PTK7: variants seen among roughly 807,000 people sequenced by gnomAD.
The protein encoded by PTK7 is protein tyrosine kinase 7 (inactive).
PTK7 carries 39 observed loss-of-function variants against 116.6 expected under a neutral mutation model. The observed-to-expected ratio is 0.33, with a 90% CI of 0.26 to 0.44. The LOEUF is 0.44. Ranked by LOEUF, PTK7 falls within the 20% of genes least tolerant of loss-of-function variation. The pLI, the probability that PTK7 is intolerant of heterozygous loss-of-function variation, is 1.00. For missense variants in PTK7, 1,169 were observed against 1,425.6 expected (o/e 0.82, Z 2.90); for synonymous variants, 546 against 563.6 (o/e 0.97, Z 0.44).
intron 1 of PTK7, 33 bp from the exon 2 acceptor site, chr6:43,128,944 C>G (rs1473975519): frequency 6.4e-7 from 1 of 1,571,378 alleles, no homozygotes; most frequent in Admixed American, 1.8e-5. Flanking sequence ...GCAGCTCCCC[C>G]TGACCCTGCC....
Position 43,142,056 on chromosome 6 carries a change from C to T in PTK7, c.1894C>T (p.Leu632=). 1.9e-6 allele frequency: 3 copies of T among 1,613,900 alleles called. No homozygotes were observed. The highest frequency in any genetic ancestry group is 2.5e-6 in the Non-Finnish European group (3 of 1,179,924). ...LIQWKGKDRI[L]DPTKLGPRMH... is the part of the protein sequence containing the mutation. ...TCAGTGGAAAGGCAAGGACCGCATC[C>T]TGGACCCCACCAAGCTGGGACCCAG... Residue 632 remains leucine, a synonymous_variant, in exon 12 of 20, where the codon CTG becomes TTG. Transcript: ENST00000230419.
In PTK7 at chr6:43,112,291, C is replaced by T. The variant is rs576996275; in HGVS notation, c.80-16686C>T. Among the ~76,000 whole-genome samples the T allele has an allele frequency of 2.0e-5, 3 of 147,742 alleles. No individual in the cohort carries two copies. In the Admixed American group the frequency reaches 2.0e-4, roughly 10 times the overall value. The stretch of plus-strand genomic sequence containing the variant: ...ATTTATTTATTTATTTATTTAGAGA[C>T]GTAGTCTCCCTCTGTCACCCAGGCT... On this transcript the variant is annotated intron_variant, in intron 1 of 19. Transcript: ENST00000230419.
At chr6:43,111,224 T>G (rs1352890892) in intron 1 of PTK7, among the ~76,000 whole-genome samples, 1 of 152,212 alleles carries the variant, frequency 6.6e-6, no homozygotes, top group Non-Finnish European at 1.5e-5. Flanking sequence ...CTGCCAGCAA[T>G]CAGTAGCTAC....
chr6:43,157,354 ATATATATATATTTTTTTTTTTCTTTTTTT>A (rs1296936332), intron 17 of PTK7, among the ~76,000 whole-genome samples: 4 of 3,726 alleles, frequency 1.1e-3, no homozygotes, highest in Admixed American at 0.01. Flanking sequence ...ATATATATAT[ATATATATATATTTTTTTTTTTCTTTTTTT>A]TTTTTTTTTT....
chr6:43,090,590 G>A (rs547811845), intron 1 of PTK7, among the ~76,000 whole-genome samples: 4 of 152,316 alleles, frequency 2.6e-5, no homozygotes, highest in Non-Finnish European at 4.4e-5. Context: ...CTCCAGTGGA[G>A]GTTGTTGTTA....
intron 1 of PTK7, among the ~76,000 whole-genome samples, chr6:43,084,212 C>T (rs1766532618): frequency 6.6e-6 from 1 of 152,212 alleles, no homozygotes; most frequent in South Asian, 2.1e-4. Flanking sequence ...CTCACTGCAG[C>T]CTTGTCCTGT....
chr6:43,092,800 G>A (rs1299769287), intron 1 of PTK7, among the ~76,000 whole-genome samples: 1 of 152,074 alleles, frequency 6.6e-6, no homozygotes, highest in Non-Finnish European at 1.5e-5. Flanking sequence ...ATAACTGATG[G>A]TTATCTGTGG....
At position 43,076,983 on chromosome 6, in the gene PTK7, C is replaced by T; in HGVS notation, c.79+416C>T. 6.7e-7 allele frequency: 1 copy of T among 1,494,102 alleles called. No individual in the cohort carries two copies. The highest frequency in any genetic ancestry group is 8.9e-7 in the Non-Finnish European group (1 of 1,119,478). 92.6% of individuals were successfully genotyped at this position (1,494,102 alleles called of 1,614,324 possible). A position where few individuals can be genotyped will look rare whatever the true frequency, so the allele number is the denominator to read the frequency against. On this transcript the variant is annotated intron_variant, in intron 1 of 19. Coordinates refer to ENST00000230419, the MANE Select transcript of PTK7 (RefSeq NM_002821.5). This position sits in a 1 kb window ranked among gnomAD's most constrained non-coding sequence, Gnocchi z 5.7. ...CCCCACCCCACCCGGCAGGGTCGGCCCAGGTAAGAGTTGCTGGTTTGGGGC... is the reference window on the plus strand; with the variant it reads ...CCCCACCCCACCCGGCAGGGTCGGCTCAGGTAAGAGTTGCTGGTTTGGGGC...
chr6:43,118,778 ATTT>A (rs532364078), intron 1 of PTK7, among the ~76,000 whole-genome samples: 7 of 119,480 alleles, frequency 5.9e-5, no homozygotes, highest in African/African-American at 9.5e-5. Flanking sequence ...TGTGTGTATA[ATTT>A]TTTTTTTTTT....
chr6:43,158,962 A>C lies in PTK7; in HGVS notation c.2867A>C (p.Tyr956Ser). Reference protein sequence around the residue: ...VSALGLSKDVYNSEYYHFRQA... With the variant: ...VSALGLSKDVSNSEYYHFRQA... ...GCCCTGGGCCTCAGCAAGGATGTGT[A>C]CAACAGGTAGAAGGGCATGCGTGGG... is the stretch of plus-strand genomic sequence containing the variant. Residue 956 changes from tyrosine (Y) to serine (S), a missense_variant, in exon 18 of 20, where the codon TAC (tyrosine) becomes TCC (serine). By Grantham distance (144) the Tyr-to-Ser change is moderately radical (BLOSUM62 -2). Transcript: ENST00000230419. 1 of 1,614,094 alleles carries C rather than the reference A, an allele frequency of 6.2e-7. No individual in the cohort carries two copies. The highest frequency in any genetic ancestry group is 8.5e-7 in the Non-Finnish European group (1 of 1,179,988).
At chr6:43,083,138 G>C (rs1266952246) in intron 1 of PTK7, among the ~76,000 whole-genome samples, 1 of 152,248 alleles carries the variant, frequency 6.6e-6, no homozygotes, top group South Asian at 2.1e-4. Flanking sequence ...GTGTTTTCCT[G>C]ATGGAAGAAA....
chr6:43,132,671 C>T lies in PTK7; in HGVS notation c.1212C>T (p.Val404=). Residue 404 remains valine, a synonymous_variant, in exon 7 of 20, where the codon GTC becomes GTT. Coordinates refer to ENST00000230419, the MANE Select transcript of PTK7 (RefSeq NM_002821.5). ...TGGCTGGTCAGCGGAGACAGGATGT[C>T]AACATCACTGTGGCCAGTGAGCACC... ...ANLAGQRRQD[V]NITVATVPSW... 2.6e-6 allele frequency: 4 copies of T among 1,565,568 alleles called. No individual in the cohort carries two copies. The highest frequency in any genetic ancestry group is 3.5e-6 in the Non-Finnish European group (4 of 1,155,004).
At chr6:43,112,738 G>C (rs1362340383) in intron 1 of PTK7, among the ~76,000 whole-genome samples, 6 of 152,008 alleles carry the variant, frequency 3.9e-5, no homozygotes, top group African/African-American at 1.4e-4. Context: ...GGAAAACCAA[G>C]GCCTAGACAA....
In PTK7 at chr6:43,139,130, C is replaced by A. The variant is rs1488293996; in HGVS notation, c.1363-6C>A. ...CAGGCTCTGAGGCCTCTCACCTGTGCTGCAGGACTCACGGTTCGAGGTCTT... is the reference window on the plus strand; with the variant it reads ...CAGGCTCTGAGGCCTCTCACCTGTGATGCAGGACTCACGGTTCGAGGTCTT... On this transcript the variant is annotated splice_region_variant and splice_polypyrimidine_tract_variant and intron_variant, in intron 8 of 19. Transcript: ENST00000230419. This position sits in a 1 kb window ranked among gnomAD's most constrained non-coding sequence, Gnocchi z 4.6. 1 of 1,614,106 alleles carries A rather than the reference C, an allele frequency of 6.2e-7. No homozygotes were observed. The highest frequency in any genetic ancestry group is 1.3e-5 in the African/African-American group (1 of 75,060).
chr6:43,160,570 C>T (rs1237695897), intron 19 of PTK7, 151 bp from the exon 20 acceptor site: 1 of 967,982 alleles, frequency 1.0e-6, no homozygotes, highest in East Asian at 2.5e-5. Flanking sequence ...GGGGAGTCAT[C>T]TTTTTCCGTT....
At chr6:43,148,169 T>C (rs185348788) in intron 17 of PTK7, among the ~76,000 whole-genome samples, 23 of 151,754 alleles carry the variant, frequency 1.5e-4, no homozygotes, top group Admixed American at 3.3e-4. Context: ...GGAAGAATCA[T>C]TGGAGCCCAG....
chr6:43,090,967 A>C (rs911242842), intron 1 of PTK7, among the ~76,000 whole-genome samples: 6 of 152,078 alleles, frequency 3.9e-5, no homozygotes. Context: ...GGATCAGCCA[A>C]GTCAGGGTTA....
chr6:43,106,390 CT>C (rs746004544), intron 1 of PTK7, among the ~76,000 whole-genome samples: 6 of 152,206 alleles, frequency 3.9e-5, no homozygotes, highest in Non-Finnish European at 8.8e-5. Flanking sequence ...TCACCGCAGC[CT>C]TGACCTCCTG....
chr6:43,100,039 T>G (rs183216532), intron 1 of PTK7, among the ~76,000 whole-genome samples: 39 of 152,162 alleles, frequency 2.6e-4, no homozygotes, highest in African/African-American at 8.4e-4. Context: ...AGTAGAGATT[T>G]AGGGATTACA....
Sources: allele counts gnomAD v4.1 joint callset (sites outside exome capture counted in the v4.1 genomes callset), GRCh38; gene constraint gnomAD v4.1.1; non-coding constraint Gnocchi (gnomAD v3.1); transcripts MANE v1.5; gene names NCBI Gene and HGNC (gene_info 2026-07-23, HGNC 2026-07-21).